The following PLEKHD1 variants were observed in gnomAD, a reference collection of about 807,000 sequenced individuals.
PLEKHD1 encodes pleckstrin homology and coiled-coil domain containing D1, also known as pleckstrin homology domain-containing family D member 1.
Under a neutral mutation model 69.2 loss-of-function variants are expected in PLEKHD1, and 51 were observed. The ratio of observed to expected loss-of-function variants is 0.74; its 90% CI spans 0.59 to 0.93. The LOEUF is 0.93. Among genes scored for constraint, PLEKHD1 ranks in the 40% least tolerant of loss-of-function variants. The pLI is 0.00. For missense variants in PLEKHD1, 584 were observed against 641.0 expected, an observed-to-expected ratio of 0.91 and a Z score of 0.96; for synonymous variants, 236 against 244.7, an observed-to-expected ratio of 0.96 and a Z score of 0.33.
rs1883635627 is a variant in PLEKHD1 at position 69,525,954 on chromosome 14, T to C, written c.755T>C (p.Ile252Thr). The C allele has an allele frequency of 7.7e-6, 12 of 1,551,044 alleles. No individual in the cohort carries two copies. The highest frequency in any genetic ancestry group is 1.0e-5 in the Non-Finnish European group (12 of 1,146,822). ...CTCCCTCCATGCCAGGAACTCTCCATAGAGAAGAAGAAAACCCTGGAAATG... is the reference window on the plus strand; with the variant it reads ...CTCCCTCCATGCCAGGAACTCTCCACAGAGAAGAAGAAAACCCTGGAAATG... ...SLQQTLEELS[I>T]EKKKTLEMLE... Residue 252 changes from isoleucine to threonine, a missense_variant, in exon 9 of 13, where the codon ATA (isoleucine) becomes ACA (threonine). Physicochemically the swap from Ile to Thr is moderately conservative, Grantham distance 89. Coordinates refer to ENST00000322564, the MANE Select transcript of PLEKHD1 (RefSeq NM_001161498.2).
chr14:69,497,599 C>G (rs1882915203), intron 1 of PLEKHD1, among the ~76,000 whole-genome samples: 1 of 152,246 alleles, frequency 6.6e-6, no homozygotes, highest in South Asian at 2.1e-4. Flanking sequence ...CACACAAACT[C>G]CATGTGCAGG....
At chr14:69,470,226 G>A in the PLEKHD1 span, among the ~76,000 whole-genome samples, 1 of 151,752 alleles carries the variant, frequency 6.6e-6, no homozygotes, top group Non-Finnish European at 1.5e-5. Context: ...ACTTTGGGGG[G>A]CCAAGGTGGG....
chr14:69,470,705 AT>A, the PLEKHD1 span, among the ~76,000 whole-genome samples: 47 of 152,208 alleles, frequency 3.1e-4, no homozygotes, highest in East Asian at 8.7e-3. Context: ...ATTATTTTAC[AT>A]TTAGTCCTCC....
At chr14:69,491,563 C>T (rs767094092) in intron 1 of PLEKHD1, among the ~76,000 whole-genome samples, 9 of 152,200 alleles carry the variant, frequency 5.9e-5, no homozygotes, top group Non-Finnish European at 1.0e-4. Flanking sequence ...CAGTGGCATT[C>T]GCATCTCCAA....
chr14:69,499,062 T>C (rs887653390), intron 1 of PLEKHD1, among the ~76,000 whole-genome samples: 4 of 152,012 alleles, frequency 2.6e-5, no homozygotes, highest in South Asian at 4.2e-4. Context: ...TTCTGTAGGA[T>C]TGGACTTGCA....
Position 69,497,272 on chromosome 14 carries a change from C to T in PLEKHD1, c.150-2843C>T, listed in dbSNP as rs563326915. Among the ~76,000 whole-genome samples, 3 of 152,350 alleles carry T rather than the reference C, an allele frequency of 2.0e-5. No individual in the cohort carries two copies. The East Asian group carries it at 5.8e-4, about 29-fold the overall frequency. On this transcript the variant is annotated intron_variant, in intron 1 of 12. Coordinates refer to ENST00000322564, the MANE Select transcript of PLEKHD1 (RefSeq NM_001161498.2). ...TGACTTGCCGAAGGACCCCCAACCC[C>T]AGCCGGAAAATGTCAGGTCTCTCTG...
At chr14:69,510,068 T>C (rs1310601694) in intron 6 of PLEKHD1, among the ~76,000 whole-genome samples, 2 of 152,240 alleles carry the variant, frequency 1.3e-5, no homozygotes, top group Non-Finnish European at 2.9e-5. Flanking sequence ...ATTTGTTTAT[T>C]TTTTCATCAA....
chr14:69,485,198 C>G (rs1243685008), intron 1 of PLEKHD1, 84 bp downstream of exon 1: 3 of 1,422,936 alleles, frequency 2.1e-6, no homozygotes, highest in Non-Finnish European at 2.8e-6. Flanking sequence ...CAGTCGCCGT[C>G]GTGCCTCTGC....
Position 69,526,129 on chromosome 14 carries a change from G to T in PLEKHD1, c.923+7G>T. 6.5e-7 allele frequency: 1 copy of T among 1,547,702 alleles called. No individual in the cohort carries two copies. Among genetic ancestry groups the T allele is most frequent in the South Asian group, 1.2e-5 (1 of 83,410 alleles). The stretch of plus-strand genomic sequence containing the variant: ...AGCTCCTGGCAGAGAAGCGGTGAGG[G>T]AGCCCCGACCCCTGAAGACACCATT... On this transcript the variant is annotated splice_region_variant and intron_variant, in intron 9 of 12. Transcript: ENST00000322564.
chr14:69,501,712 C>G, intron 4 of PLEKHD1, 22 bp from the exon 5 acceptor site: 1 of 1,519,860 alleles, frequency 6.6e-7, no homozygotes, highest in Non-Finnish European at 8.9e-7. Context: ...TCTCCTCTGT[C>G]CCATCTGCCC....
the PLEKHD1 span, among the ~76,000 whole-genome samples, chr14:69,469,130 C>T: frequency 2.9e-3 from 442 of 152,198 alleles, 3 homozygotes; most frequent in African/African-American, 0.01. Context: ...TGCACCAGCT[C>T]GGTCCTCTTC....
Position 69,500,658 on chromosome 14 carries a change from G to A in PLEKHD1, c.325G>A (p.Asp109Asn). 1.9e-6 allele frequency: 3 copies of A among 1,551,366 alleles called. No homozygotes were observed. Among genetic ancestry groups the A allele is most frequent in the Non-Finnish European group, 2.6e-6 (3 of 1,146,856 alleles). Residue 109 changes from aspartate to asparagine, a missense_variant, in exon 3 of 13, where the codon GAC becomes AAC. Physicochemically the swap from Asp to Asn is conservative, Grantham distance 23. Transcript: ENST00000322564. ...MPYAMKISHQ[D>N]FHGNILLAAE... is the part of the protein sequence containing the mutation. ...CTATGCCATGAAGATCTCCCACCAG[G>A]ACTTCCATGTGAGTAAAGCTCTTCC...
intron 1 of PLEKHD1, among the ~76,000 whole-genome samples, chr14:69,486,176 G>T (rs1246823288): frequency 6.6e-6 from 1 of 152,196 alleles, no homozygotes; most frequent in African/African-American, 2.4e-5. Context: ...CACTCTATGA[G>T]TCTGCCCCTG....
intron 6 of PLEKHD1, among the ~76,000 whole-genome samples, chr14:69,513,837 C>G (rs1883324198): frequency 6.6e-6 from 1 of 152,138 alleles, no homozygotes; most frequent in Non-Finnish European, 1.5e-5. Flanking sequence ...TCCTCCTTCA[C>G]TTTTGAAGGA....
At chr14:69,525,539 G>A (rs1883624785) in intron 8 of PLEKHD1, among the ~76,000 whole-genome samples, 1 of 152,156 alleles carries the variant, frequency 6.6e-6, no homozygotes, top group Non-Finnish European at 1.5e-5. Flanking sequence ...CTGGGATGCA[G>A]TGGTGCAATC....
At chr14:69,512,613 T>C (rs1330204552) in intron 6 of PLEKHD1, among the ~76,000 whole-genome samples, 1 of 152,220 alleles carries the variant, frequency 6.6e-6, no homozygotes, top group Admixed American at 6.5e-5. Flanking sequence ...TATCTTTAGA[T>C]TTCTCTTGAT....
At chr14:69,508,262 C>T (rs113788520) in intron 6 of PLEKHD1, among the ~76,000 whole-genome samples, 4 of 151,828 alleles carry the variant, frequency 2.6e-5, no homozygotes, top group African/African-American at 4.8e-5. Flanking sequence ...AAAAATTAGC[C>T]GGGGGTGGTG....
the PLEKHD1 span, among the ~76,000 whole-genome samples, chr14:69,473,206 C>T: frequency 0.48 from 72,355 of 151,922 alleles, 17,502 homozygotes; most frequent in Middle Eastern, 0.59. Context: ...CAAACTCCAG[C>T]GCATGAAAAA....
the PLEKHD1 span, among the ~76,000 whole-genome samples, chr14:69,472,079 C>T: frequency 6.6e-6 from 1 of 152,088 alleles, no homozygotes; most frequent in Admixed American, 6.6e-5. Context: ...CGTGCTGAGT[C>T]AGAACCAAAC....
Sources: allele counts gnomAD v4.1 joint callset (sites outside exome capture counted in the v4.1 genomes callset), GRCh38; gene constraint gnomAD v4.1.1; transcripts MANE v1.5; gene names NCBI Gene and HGNC (gene_info 2026-07-23, HGNC 2026-07-21).